LYRM4: variants seen among roughly 807,000 people sequenced by gnomAD.
LYRM4 encodes the protein LYR motif containing 4.
A neutral mutation model predicts 11.7 loss-of-function variants in LYRM4; 9 were observed. The observed-to-expected ratio is 0.77, with a 90% CI of 0.46 to 1.34. LYRM4 has a LOEUF of 1.34. LYRM4 is among the 40% of genes most tolerant of loss of function. The pLI, the probability that LYRM4 is intolerant of heterozygous loss-of-function variation, is 0.00. For missense variants in LYRM4, 133 were observed against 112.5 expected (o/e 1.18, Z -0.82); for synonymous variants, 42 against 40.4 (o/e 1.04, Z -0.15).
chr6:5,094,361 G>A, the LYRM4 span, among the ~76,000 whole-genome samples: 18 of 152,270 alleles, frequency 1.2e-4, no homozygotes, highest in African/African-American at 2.4e-4. Context: ...GCACACACCC[G>A]TAGTCCAAGC....
At chr6:5,192,038 T>A (rs1420393349) in intron 2 of LYRM4, among the ~76,000 whole-genome samples, 1 of 152,242 alleles carries the variant, frequency 6.6e-6, no homozygotes, top group Non-Finnish European at 1.5e-5. Context: ...CATGCAATGC[T>A]TGATGCTTGC....
the LYRM4 span, among the ~76,000 whole-genome samples, chr6:5,077,431 T>G: frequency 6.6e-6 from 1 of 152,078 alleles, no homozygotes; most frequent in African/African-American, 2.4e-5. Context: ...CTGCTCCGGG[T>G]GATGATGTGG....
At chr6:5,043,255 A>G in the LYRM4 span, 1 of 152,048 alleles carries the variant, frequency 6.6e-6, no homozygotes, top group East Asian at 1.9e-4. Flanking sequence ...TTTGAGATAT[A>G]TATATATTTC....
intron 2 of LYRM4, chr6:5,113,404 C>T (rs185920797): frequency 6.0e-4 from 239 of 399,952 alleles, no homozygotes; most frequent in African/African-American, 4.7e-3. Context: ...GGTGACAGAG[C>T]GAGATTCCGT....
intron 2 of LYRM4, among the ~76,000 whole-genome samples, chr6:5,176,727 T>C (rs945732822): frequency 2.0e-5 from 3 of 152,234 alleles, no homozygotes; most frequent in African/African-American, 7.2e-5. Context: ...TCGGTCTTCA[T>C]CTTGAACACA....
chr6:5,211,538 A>G (rs1761987073), intron 2 of LYRM4, among the ~76,000 whole-genome samples: 1 of 152,184 alleles, frequency 6.6e-6, no homozygotes, highest in Non-Finnish European at 1.5e-5. Flanking sequence ...ACCCCTTTCC[A>G]ATGATCTTTA....
intron 2 of LYRM4, among the ~76,000 whole-genome samples, chr6:5,209,523 G>A (rs773072321): frequency 2.0e-5 from 3 of 152,178 alleles, no homozygotes; most frequent in Non-Finnish European, 2.9e-5. Flanking sequence ...TGCTGCTGGC[G>A]TATGCTTTTA....
chr6:5,073,812 C>T, the LYRM4 span, among the ~76,000 whole-genome samples: 3 of 152,082 alleles, frequency 2.0e-5, no homozygotes, highest in African/African-American at 4.8e-5. Flanking sequence ...AATGACATCC[C>T]GTAACTATTC....
the LYRM4 span, among the ~76,000 whole-genome samples, chr6:5,064,912 A>G: frequency 6.6e-6 from 1 of 151,774 alleles, no homozygotes; most frequent in Non-Finnish European, 1.5e-5. Flanking sequence ...CATAGTTTAC[A>G]TCAAGGCTTA....
intron 2 of LYRM4, among the ~76,000 whole-genome samples, chr6:5,208,831 C>A (rs916559423): frequency 1.3e-5 from 2 of 152,150 alleles, no homozygotes; most frequent in African/African-American, 4.8e-5. Flanking sequence ...ATAGACTGAA[C>A]AAATGAATGT....
chr6:5,039,517 A>C, the LYRM4 span, among the ~76,000 whole-genome samples: 1 of 152,232 alleles, frequency 6.6e-6, no homozygotes, highest in Non-Finnish European at 1.5e-5. Flanking sequence ...AATCTAAAGT[A>C]ACAACCTTAT....
intron 2 of LYRM4, among the ~76,000 whole-genome samples, chr6:5,195,015 C>G (rs1760970389): frequency 6.6e-6 from 1 of 152,232 alleles, no homozygotes; most frequent in South Asian, 2.1e-4. Flanking sequence ...AACTGTTACA[C>G]ATAAAGGCTT....
chr6:5,151,977 G>A (rs1189364170), intron 2 of LYRM4, among the ~76,000 whole-genome samples: 3 of 152,174 alleles, frequency 2.0e-5, no homozygotes, highest in Admixed American at 6.5e-5. Context: ...AGGAAAGCAG[G>A]ATCTTTGTGG....
At chr6:5,166,381 C>T (rs917544566) in intron 2 of LYRM4, among the ~76,000 whole-genome samples, 1 of 152,198 alleles carries the variant, frequency 6.6e-6, no homozygotes, top group East Asian at 1.9e-4. Context: ...TTAGAAAGCC[C>T]TGTCACGTGA....
At chr6:5,196,256 G>C (rs1303866649) in intron 2 of LYRM4, among the ~76,000 whole-genome samples, 1 of 152,204 alleles carries the variant, frequency 6.6e-6, no homozygotes, top group Non-Finnish European at 1.5e-5. Context: ...CTGTCTTGCA[G>C]GTACAGGAGT....
chr6:5,224,892 G>A (rs1561883437), intron 1 of LYRM4, among the ~76,000 whole-genome samples: 1 of 152,044 alleles, frequency 6.6e-6, no homozygotes, highest in Non-Finnish European at 1.5e-5. Flanking sequence ...CCTCGGAGGC[G>A]AAGGTTGCAA....
At chr6:5,238,075 T>G (rs1763657021) in intron 1 of LYRM4, among the ~76,000 whole-genome samples, 1 of 152,140 alleles carries the variant, frequency 6.6e-6, no homozygotes, top group Admixed American at 6.6e-5. Flanking sequence ...ACCACCCTTT[T>G]GCTTGGAAAC....
At chr6:5,101,414 C>T (rs566116593), downstream of LYRM4, among the ~76,000 whole-genome samples, 5 of 152,302 alleles carry the variant, frequency 3.3e-5, no homozygotes, top group East Asian at 3.9e-4. Flanking sequence ...TATTAAACCT[C>T]GTGAAAGAAC....
At chr6:5,112,667 T>A (rs1762936477) in intron 2 of LYRM4, among the ~76,000 whole-genome samples, 1 of 152,096 alleles carries the variant, frequency 6.6e-6, no homozygotes, top group African/African-American at 2.4e-5. Context: ...TGACAAGAAC[T>A]GAGATAAATG....
Sources: gnomAD v4.1 joint callset for allele counts (sites outside exome capture counted in the v4.1 genomes callset) on GRCh38, gnomAD v4.1.1 for gene constraint, MANE v1.5 for transcripts, NCBI Gene and HGNC (gene_info 2026-07-23, HGNC 2026-07-21) for gene names.